The following RBFOX1 variants were observed in gnomAD, a reference collection of about 807,000 sequenced individuals.
The protein encoded by RBFOX1 is RNA binding fox-1 homolog 1.
In RBFOX1, 8 loss-of-function variants were observed where a neutral mutation model predicts 57.7. That is an observed-to-expected ratio of 0.14 (90% confidence interval 0.08 to 0.25). RBFOX1 has a LOEUF of 0.25. Ranked by LOEUF, RBFOX1 falls within the 10% of genes least tolerant of loss-of-function variation. RBFOX1 has a pLI of 1.00. For synonymous variants in RBFOX1, 326 were observed against 222.4 expected (o/e 1.47, Z -4.15); for missense variants, 611 against 548.5 (o/e 1.11, Z -1.14).
At chr16:5,713,800 G>T (rs1171943080) in intron 3 of RBFOX1, among the ~76,000 whole-genome samples, 1 of 152,132 alleles carries the variant, frequency 6.6e-6, no homozygotes, top group Non-Finnish European at 1.5e-5. Context: ...AAGTCGATAA[G>T]AGCTAGAACT....
intron 1 of RBFOX1, among the ~76,000 whole-genome samples, chr16:6,138,141 T>C (rs754764901): frequency 6.6e-6 from 1 of 152,232 alleles, no homozygotes; most frequent in Non-Finnish European, 1.5e-5. Context: ...GTTCTATCGT[T>C]AATATTGATA....
chr16:6,719,845 C>T (rs2065612227), intron 3 of RBFOX1, among the ~76,000 whole-genome samples: 1 of 151,980 alleles, frequency 6.6e-6, no homozygotes, highest in Admixed American at 6.6e-5. Context: ...GTAATCTCAG[C>T]ACTTTGGGAA....
At chr16:6,033,872 C>G (rs1348404031) in intron 1 of RBFOX1, among the ~76,000 whole-genome samples, 1 of 152,180 alleles carries the variant, frequency 6.6e-6, no homozygotes, top group Non-Finnish European at 1.5e-5. Flanking sequence ...CTGAGCTGCA[C>G]CCTTACATGT....
At chr16:6,821,105 C>T (rs2091217274) in intron 3 of RBFOX1, among the ~76,000 whole-genome samples, 1 of 152,194 alleles carries the variant, frequency 6.6e-6, no homozygotes, top group Non-Finnish European at 1.5e-5. Flanking sequence ...CAAGCCACTA[C>T]ACCATTAAAA....
chr16:7,141,169 G>GA (rs1159971439), intron 4 of RBFOX1, among the ~76,000 whole-genome samples: 1 of 152,134 alleles, frequency 6.6e-6, no homozygotes, highest in Non-Finnish European at 1.5e-5. Flanking sequence ...GTCAGCTGGG[G>GA]AGCAAGTAGG....
intron 3 of RBFOX1, among the ~76,000 whole-genome samples, chr16:5,792,282 C>T (rs1197583415): frequency 6.6e-6 from 1 of 152,140 alleles, no homozygotes; most frequent in Non-Finnish European, 1.5e-5. Flanking sequence ...TAATCCCTTT[C>T]TAAGTTCTCT....
intron 3 of RBFOX1, among the ~76,000 whole-genome samples, chr16:5,625,336 T>C (rs1230958969): frequency 6.6e-6 from 1 of 152,032 alleles, no homozygotes. Flanking sequence ...TGTCAGGGGC[T>C]GCTCCACTCT....
chr16:7,435,715 C>T (rs545013064), intron 4 of RBFOX1, among the ~76,000 whole-genome samples: 1 of 152,306 alleles, frequency 6.6e-6, no homozygotes, highest in African/African-American at 2.4e-5. Flanking sequence ...TTTTGGCCTT[C>T]AGGTGGGCTT....
intron 1 of RBFOX1, among the ~76,000 whole-genome samples, chr16:5,395,072 C>T (rs919311347): frequency 2.0e-5 from 3 of 152,192 alleles, no homozygotes; most frequent in African/African-American, 4.8e-5. Context: ...CCAACCTGCC[C>T]GTTCAGCCTT....
intron 4 of RBFOX1, among the ~76,000 whole-genome samples, chr16:7,372,686 A>G (rs73549056): frequency 0.033 from 5,085 of 152,104 alleles, 193 homozygotes; most frequent in South Asian, 0.092. Context: ...TCCATAATAA[A>G]TTAGGATTAT....
intron 2 of RBFOX1, among the ~76,000 whole-genome samples, chr16:6,634,612 T>C (rs928581427): frequency 1.4e-5 from 2 of 146,792 alleles, no homozygotes; most frequent in East Asian, 3.9e-4. Flanking sequence ...ATGTAATATA[T>C]GATTAAAGTA....
intron 2 of RBFOX1, among the ~76,000 whole-genome samples, chr16:5,476,165 T>C (rs922011193): frequency 6.6e-6 from 1 of 152,260 alleles, no homozygotes; most frequent in African/African-American, 2.4e-5. Context: ...TGGGCACCCT[T>C]GTTAAAATGC....
intron 1 of RBFOX1, among the ~76,000 whole-genome samples, chr16:5,423,327 CCTG>C (rs2067412263): frequency 6.6e-6 from 1 of 152,102 alleles, no homozygotes; most frequent in African/African-American, 2.4e-5. Flanking sequence ...CCGGTTTTCA[CCTG>C]CACATATTTG....
chr16:6,027,831 G>A (rs72772810), intron 1 of RBFOX1, among the ~76,000 whole-genome samples: 5,974 of 152,254 alleles, frequency 0.039, 159 homozygotes, highest in Non-Finnish European at 0.06. Context: ...AGAGTGAAGG[G>A]GGAAGAACCC....
intron 2 of RBFOX1, among the ~76,000 whole-genome samples, chr16:6,556,395 A>T (rs192220237): frequency 1.3e-5 from 2 of 152,168 alleles, no homozygotes; most frequent in Admixed American, 6.5e-5. Context: ...GATGATGGCA[A>T]ATGTTGAATG....
chr16:6,546,301 C>G (rs2096894630), intron 2 of RBFOX1, among the ~76,000 whole-genome samples: 1 of 152,192 alleles, frequency 6.6e-6, no homozygotes, highest in Non-Finnish European at 1.5e-5. Context: ...TCTTCCTTGC[C>G]TAATCTGCAC....
At chr16:6,038,659 G>A (rs2095401397) in intron 1 of RBFOX1, 1 of 147,796 alleles carries the variant, frequency 6.8e-6, no homozygotes, top group Non-Finnish European at 1.5e-5. Context: ...CTTAGTAGGA[G>A]CTTTTGTGAC....
chr16:6,265,330 C>A (rs963793077), intron 1 of RBFOX1, among the ~76,000 whole-genome samples: 6 of 151,972 alleles, frequency 3.9e-5, no homozygotes, highest in South Asian at 4.1e-4. Flanking sequence ...GGTGCAGTCT[C>A]GGCTCACTAC....
At chr16:7,608,027 G>T (rs902808918) in intron 10 of RBFOX1, among the ~76,000 whole-genome samples, 3 of 152,176 alleles carry the variant, frequency 2.0e-5, no homozygotes, top group Non-Finnish European at 4.4e-5. Flanking sequence ...CCTCGGCTTG[G>T]CCCGTCACTA....
Sources: gnomAD v4.1 joint callset for allele counts (sites outside exome capture counted in the v4.1 genomes callset) on GRCh38, gnomAD v4.1.1 for gene constraint, MANE v1.5 for transcripts, NCBI Gene and HGNC (gene_info 2026-07-23, HGNC 2026-07-21) for gene names.